The following STK40 variants were observed in gnomAD, a reference collection of about 807,000 sequenced individuals.
The protein encoded by STK40 is serine/threonine-protein kinase 40.
A neutral mutation model predicts 47.9 loss-of-function variants in STK40; 13 were observed. That is an observed-to-expected ratio of 0.27 (90% CI 0.18 to 0.43). The LOEUF is 0.43. STK40 is among the 20% of genes least tolerant of loss of function. STK40 has a pLI of 1.00. For synonymous variants in STK40, 225 were observed against 243.2 expected (o/e 0.93, Z 0.69); for missense variants, 460 against 595.1 (o/e 0.77, Z 2.36).
intron 1 of STK40, chr1:36,366,046 T>C (rs1467378390): frequency 1.3e-5 from 2 of 152,148 alleles, no homozygotes; most frequent in African/African-American, 4.8e-5. Flanking sequence ...CTGCCTCCAA[T>C]AGTAAGTTGG....
intron 7 of STK40, among the ~76,000 whole-genome samples, chr1:36,345,991 A>ATATATATATATATATT: frequency 3.8e-5 from 1 of 26,468 alleles, no homozygotes; most frequent in Non-Finnish European, 6.9e-5. Flanking sequence ...ATATATATAT[A>ATATATATATATATATT]TTTTTTTTTT....
At chr1:36,343,502 C>G in intron 9 of STK40, 54 bp from the exon 10 acceptor site, 1 of 1,532,502 alleles carries the variant, frequency 6.5e-7, no homozygotes, top group South Asian at 1.2e-5. Context: ...GTCCATTGAT[C>G]CCAGACTTAA....
chr1:36,373,670 G>A (rs913468441), intron 1 of STK40, among the ~76,000 whole-genome samples: 5 of 152,190 alleles, frequency 3.3e-5, no homozygotes, highest in African/African-American at 7.2e-5. Context: ...ACTCCCTGAC[G>A]ACAAAGATTC....
intron 6 of STK40, among the ~76,000 whole-genome samples, chr1:36,352,941 T>C (rs1331618296): frequency 6.6e-6 from 1 of 152,218 alleles, no homozygotes; most frequent in Non-Finnish European, 1.5e-5. Flanking sequence ...CGATGGCCTC[T>C]CAGGCTGGAG....
At chr1:36,367,703 C>T in intron 1 of STK40, 1 of 542,306 alleles carries the variant, frequency 1.8e-6, no homozygotes, top group South Asian at 8.0e-5. Context: ...AACGCCACCA[C>T]TGATCTCCCC....
chr1:36,343,345 T>A lies in STK40; in HGVS notation c.1089+19A>T. On this transcript the variant is annotated intron_variant, in intron 10 of 10. Coordinates refer to ENST00000373132, the MANE Select transcript of STK40 (RefSeq NM_001282547.2). ...TCCCTTGGGGCTGGGTAATGGCCCATCTGCCCTCCCCAACTCACCTCCTGG... is the reference window on the plus strand; with the variant it reads ...TCCCTTGGGGCTGGGTAATGGCCCAACTGCCCTCCCCAACTCACCTCCTGG... The A allele has an allele frequency of 6.2e-7, 1 of 1,608,054 alleles. No homozygotes were observed. Among genetic ancestry groups the A allele is most frequent in the Non-Finnish European group, 8.5e-7 (1 of 1,176,558 alleles).
chr1:36,374,044 C>T (rs1049434464), intron 1 of STK40, among the ~76,000 whole-genome samples: 45 of 152,266 alleles, frequency 3.0e-4, no homozygotes, highest in Non-Finnish European at 1.8e-4. Context: ...CCTCTGCCAC[C>T]GCTGCCTTTC....
intron 4 of STK40, among the ~76,000 whole-genome samples, chr1:36,356,409 C>CTT (rs1646804239): frequency 7.0e-6 from 1 of 142,456 alleles, no homozygotes; most frequent in Non-Finnish European, 1.5e-5. Flanking sequence ...ATCCACATTT[C>CTT]TTCTTTTTCT....
In STK40 at chr1:36,358,331, G is replaced by A. The variant is rs945529881; in HGVS notation, c.250C>T (p.Arg84Trp). The change falls in exon 4 of 11, where the codon CGG (arginine) becomes TGG (tryptophan). Residue 84 changes from arginine (R) to tryptophan (W), a missense_variant. This residue lies in a region of STK40 where 277 missense variants were observed against 358.7 expected (regional missense o/e 0.77). Coordinates refer to ENST00000373132, the MANE Select transcript of STK40 (RefSeq NM_001282547.2). ...GDQGIESQEE[R>W]QGKMLLHTEY... Reference sequence around the variant, plus strand: ...GTGTGCAGCAGCATCTTGCCCTGCCGCTCTTCCTGGCTCTCTATGCCTTGG... The same window carrying A: ...GTGTGCAGCAGCATCTTGCCCTGCCACTCTTCCTGGCTCTCTATGCCTTGG... 4 of 1,609,654 alleles carry A rather than the reference G, an allele frequency of 2.5e-6. No individual in the cohort carries two copies. The highest frequency in any genetic ancestry group is 1.1e-5 in the South Asian group (1 of 90,962).
intron 6 of STK40, among the ~76,000 whole-genome samples, chr1:36,353,591 C>G (rs2124732636): frequency 6.6e-6 from 1 of 152,340 alleles, no homozygotes; most frequent in South Asian, 2.1e-4. Context: ...ACAGCTGCAT[C>G]CCTCTCCAGG....
intron 1 of STK40, among the ~76,000 whole-genome samples, chr1:36,370,303 G>A (rs1394188174): frequency 1.3e-5 from 2 of 152,232 alleles, no homozygotes; most frequent in Non-Finnish European, 2.9e-5. Context: ...CAAACGATCT[G>A]CTTTCCTGCG....
At chr1:36,379,247 T>C (rs916378084) in intron 1 of STK40, among the ~76,000 whole-genome samples, 1 of 152,120 alleles carries the variant, frequency 6.6e-6, no homozygotes, top group Non-Finnish European at 1.5e-5. Context: ...CAAGACCCCT[T>C]CTCAGTTTTT....
chr1:36,362,210 C>A (rs996936792), intron 1 of STK40, among the ~76,000 whole-genome samples: 1 of 152,114 alleles, frequency 6.6e-6, no homozygotes, highest in African/African-American at 2.4e-5. Flanking sequence ...CAGATAAAAA[C>A]ACAAAAGAGG....
intron 10 of STK40, 171 bp from the exon 11 acceptor site, chr1:36,342,144 C>T: frequency 1.2e-5 from 8 of 647,150 alleles, no homozygotes; most frequent in Non-Finnish European, 2.1e-5. Flanking sequence ...AGGGTGGGTC[C>T]CTGACCCCCT....
At chr1:36,355,521 C>T (rs1646796112) in intron 4 of STK40, 88 bp from the exon 5 acceptor site, 1 of 1,380,508 alleles carries the variant, frequency 7.2e-7, no homozygotes, top group African/African-American at 1.4e-5. Flanking sequence ...GAGTGGGACA[C>T]TCAAACCAGT....
chr1:36,361,076 G>C, intron 2 of STK40, 145 bp downstream of exon 2: 1 of 871,880 alleles, frequency 1.1e-6, no homozygotes, highest in Non-Finnish European at 1.8e-6. Flanking sequence ...AGTGAAGCTA[G>C]GGACCAAGCC....
intron 4 of STK40, among the ~76,000 whole-genome samples, chr1:36,356,422 T>TTG (rs1553136746): frequency 3.8e-5 from 5 of 132,014 alleles, no homozygotes; most frequent in African/African-American, 1.5e-4. Flanking sequence ...CTTTTTCTTT[T>TTG]TTTTTTTTTT....
intron 1 of STK40, among the ~76,000 whole-genome samples, chr1:36,365,155 TA>T (rs1646890722): frequency 6.6e-6 from 1 of 152,160 alleles, no homozygotes; most frequent in Non-Finnish European, 1.5e-5. Context: ...CACACCCACC[TA>T]ATTTTGTATT....
rs949069635 is a variant in STK40 at position 36,354,557 on chromosome 1, C to A, written c.571-141G>T. On this transcript the variant is annotated intron_variant, in intron 5 of 10. Coordinates refer to ENST00000373132, the MANE Select transcript of STK40 (RefSeq NM_001282547.2). Reference sequence around the variant, plus strand: ...TGTCTCTTTAGGCTCCAAGCACAGGCAGATCAGGACAGTTCTAAGTTCGCG... The same window carrying A: ...TGTCTCTTTAGGCTCCAAGCACAGGAAGATCAGGACAGTTCTAAGTTCGCG... The A allele has an allele frequency of 1.1e-4, 85 of 807,004 alleles. No individual in the cohort carries two copies. The South Asian group carries it at 1.2e-3, about 12-fold the overall frequency. The allele number at this position is 807,004 out of a possible 1,614,324, so 50.0% of individuals were successfully genotyped here.
Sources: gnomAD v4.1 joint callset for allele counts (sites outside exome capture counted in the v4.1 genomes callset) on GRCh38, gnomAD v4.1.1 for gene constraint, gnomAD v4.1.1 regional missense constraint, MANE v1.5 for transcripts, NCBI Gene and HGNC (gene_info 2026-07-23, HGNC 2026-07-21) for gene names.